BRINP3: variants seen among roughly 807,000 people sequenced by gnomAD.
BRINP3 encodes BMP/retinoic acid-inducible neural-specific protein 3.
A neutral mutation model predicts 71.0 loss-of-function variants in BRINP3; 19 were observed. The observed-to-expected ratio is 0.27, with a 90% CI of 0.19 to 0.39. BRINP3 has a LOEUF of 0.39. BRINP3 is among the 10% of genes least tolerant of loss of function. BRINP3 has a pLI of 1.00. For missense variants in BRINP3, 959 were observed against 940.8 expected (o/e 1.02, Z -0.25); for synonymous variants, 380 against 337.7 (o/e 1.13, Z -1.37).
At chr1:190,371,769 A>G (rs1304102469) in intron 2 of BRINP3, among the ~76,000 whole-genome samples, 1 of 152,152 alleles carries the variant, frequency 6.6e-6, no homozygotes, top group Non-Finnish European at 1.5e-5. Flanking sequence ...TAGTATGGAT[A>G]TTGTTAAATT....
chr1:190,262,319 A>G (rs1338187372), intron 4 of BRINP3, among the ~76,000 whole-genome samples: 3 of 152,080 alleles, frequency 2.0e-5, no homozygotes, highest in Admixed American at 2.0e-4. Flanking sequence ...CCTGAGGTCT[A>G]AATTAAACCC....
chr1:190,407,799 T>C (rs1232490451), intron 2 of BRINP3, among the ~76,000 whole-genome samples: 1 of 152,084 alleles, frequency 6.6e-6, no homozygotes, highest in African/African-American at 2.4e-5. Context: ...AATATATCCA[T>C]AATAAACAAA....
chr1:190,331,263 A>T (rs984964047), intron 2 of BRINP3, among the ~76,000 whole-genome samples: 1 of 152,050 alleles, frequency 6.6e-6, no homozygotes, highest in Non-Finnish European at 1.5e-5. Context: ...ATATAACATC[A>T]GAAAAAATAA....
chr1:190,293,241 C>T (rs984559169), intron 2 of BRINP3, among the ~76,000 whole-genome samples: 10 of 151,950 alleles, frequency 6.6e-5, no homozygotes, highest in Non-Finnish European at 8.8e-5. Flanking sequence ...CATTTTAAGA[C>T]ATTTTAAATT....
In BRINP3 at chr1:190,155,095, T is replaced by A. The variant is rs530528305; in HGVS notation, c.1184+5573A>T. On this transcript the variant is annotated intron_variant, in intron 7 of 7. Coordinates refer to ENST00000367462, the MANE Select transcript of BRINP3 (RefSeq NM_199051.3). ...ATATTAATAATAAGTTCTTTTGTTA[T>A]TGCCTACTGAAATATGTCAGCATTT... 3.9e-5 allele frequency among the ~76,000 whole-genome samples: 6 copies of A among 152,236 alleles called. No individual in the cohort carries two copies. In the South Asian group the frequency reaches 1.2e-3, roughly 32 times the overall value.
intron 6 of BRINP3, among the ~76,000 whole-genome samples, chr1:190,184,058 T>C (rs1326318794): frequency 1.3e-5 from 2 of 152,138 alleles, no homozygotes; most frequent in African/African-American, 4.8e-5. Context: ...GCATGATATA[T>C]GAGGCAAAAA....
intron 2 of BRINP3, among the ~76,000 whole-genome samples, chr1:190,357,026 G>A (rs955433753): frequency 4.7e-4 from 72 of 151,630 alleles, no homozygotes; most frequent in African/African-American, 1.8e-3. Context: ...AATGATTTGG[G>A]GGATGATGAT....
At chr1:190,254,328 A>G (rs990323801) in intron 4 of BRINP3, among the ~76,000 whole-genome samples, 1 of 150,840 alleles carries the variant, frequency 6.6e-6, no homozygotes, top group Non-Finnish European at 1.5e-5. Context: ...TTGTAGATTG[A>G]TGGGGATGCC....
At chr1:190,367,755 T>C (rs1669602641) in intron 2 of BRINP3, among the ~76,000 whole-genome samples, 1 of 152,176 alleles carries the variant, frequency 6.6e-6, no homozygotes, top group Admixed American at 6.6e-5. Flanking sequence ...CCAGTCTCTT[T>C]GCATAGCAAG....
intron 2 of BRINP3, among the ~76,000 whole-genome samples, chr1:190,301,682 A>G (rs1664751249): frequency 6.6e-6 from 1 of 151,890 alleles, no homozygotes; most frequent in Admixed American, 6.6e-5. Context: ...AAGGTGAGAA[A>G]ACTATTTCTG....
chr1:190,278,925 A>G (rs1662833277), intron 3 of BRINP3, among the ~76,000 whole-genome samples: 1 of 151,742 alleles, frequency 6.6e-6, no homozygotes, highest in Non-Finnish European at 1.5e-5. Context: ...CACCATATCA[A>G]CATAGTAAAA....
At chr1:190,253,917 T>C (rs115230797) in intron 4 of BRINP3, among the ~76,000 whole-genome samples, 2,279 of 152,322 alleles carry the variant, frequency 0.015, 71 homozygotes, top group African/African-American at 0.051. Flanking sequence ...ATTTAAGTCT[T>C]CGATTCATCT....
rs150370265 is a variant in BRINP3 at position 190,462,650 on chromosome 1, G to C, written c.-50-7710C>G. Among the ~76,000 whole-genome samples the C allele has an allele frequency of 6.6e-4, 101 of 151,986 alleles. 1 individual carries two copies. In the South Asian group the frequency reaches 0.016, roughly 24 times the overall value. On this transcript the variant is annotated intron_variant, in intron 1 of 7. Transcript: ENST00000367462. ...AAATTAACACCTTTTTAATCTTTTTGATATACCAAGCATTTCACGAAATTT... is the reference window on the plus strand; with the variant it reads ...AAATTAACACCTTTTTAATCTTTTTCATATACCAAGCATTTCACGAAATTT...
chr1:190,104,507 T>A (rs1315267624), intron 7 of BRINP3, among the ~76,000 whole-genome samples: 2 of 152,090 alleles, frequency 1.3e-5, no homozygotes, highest in Non-Finnish European at 2.9e-5. Flanking sequence ...GCCACTTTTT[T>A]TTTCTCAGAA....
intron 6 of BRINP3, among the ~76,000 whole-genome samples, chr1:190,175,755 T>A (rs1652447486): frequency 6.6e-6 from 1 of 152,226 alleles, no homozygotes; most frequent in Admixed American, 6.5e-5. Flanking sequence ...CCTATCTATC[T>A]ATCGTATATC....
intron 7 of BRINP3, among the ~76,000 whole-genome samples, chr1:190,148,066 A>T (rs906104002): frequency 1.3e-5 from 2 of 152,176 alleles, no homozygotes; most frequent in African/African-American, 4.8e-5. Flanking sequence ...AACTAAGAAA[A>T]ACTGAAATGG....
chr1:190,333,180 C>T (rs1490622274), intron 2 of BRINP3, among the ~76,000 whole-genome samples: 1 of 151,922 alleles, frequency 6.6e-6, no homozygotes, highest in Non-Finnish European at 1.5e-5. Context: ...TTCTCCCCCA[C>T]TGCATAAAAA....
intron 2 of BRINP3, among the ~76,000 whole-genome samples, chr1:190,390,263 T>C (rs906449771): frequency 1.3e-5 from 2 of 150,972 alleles, no homozygotes; most frequent in Non-Finnish European, 3.0e-5. Flanking sequence ...AAAGAGAGGG[T>C]GCTAGATTCT....
chr1:190,164,880 T>A (rs1463897499), intron 6 of BRINP3, among the ~76,000 whole-genome samples: 2 of 152,098 alleles, frequency 1.3e-5, no homozygotes, highest in Non-Finnish European at 2.9e-5. Context: ...GCTTCAGACA[T>A]TTAAATAAAA....
Sources: allele counts gnomAD v4.1 joint callset (sites outside exome capture counted in the v4.1 genomes callset), GRCh38; gene constraint gnomAD v4.1.1; transcripts MANE v1.5; gene names NCBI Gene and HGNC (gene_info 2026-07-23, HGNC 2026-07-21).